The following B4GALT6 variants were observed in gnomAD, a reference collection of about 807,000 sequenced individuals.
B4GALT6 encodes the protein UDP-Gal:beta-GlcNAc beta-1,4-galactosyltransferase 6.
B4GALT6 carries 14 observed loss-of-function variants against 46.3 expected under a neutral mutation model. The observed-to-expected ratio is 0.30, with a 90% CI of 0.20 to 0.47. The LOEUF (loss-of-function observed/expected upper bound fraction) is 0.47, where lower values mean the gene tolerates loss of function less well. B4GALT6 is among the 20% of genes least tolerant of loss of function. The pLI is 0.99. For synonymous variants in B4GALT6, 168 were observed against 162.0 expected, an observed-to-expected ratio of 1.04 and a Z score of -0.28; for missense variants, 386 against 480.1, an observed-to-expected ratio of 0.80 and a Z score of 1.83.
chr18:31,668,535 A>G (rs1388286648), intron 1 of B4GALT6, among the ~76,000 whole-genome samples: 1 of 152,234 alleles, frequency 6.6e-6, no homozygotes, highest in African/African-American at 2.4e-5. Flanking sequence ...ATATATATTC[A>G]TAAGTAAGGT....
intron 4 of B4GALT6, among the ~76,000 whole-genome samples, chr18:31,639,837 TA>T (rs2073907896): frequency 6.6e-6 from 1 of 152,174 alleles, no homozygotes; most frequent in African/African-American, 2.4e-5. Flanking sequence ...TTTAGTGTAA[TA>T]CAAGAATAAA....
intron 5 of B4GALT6, among the ~76,000 whole-genome samples, chr18:31,634,306 A>C (rs1598872286): frequency 1.3e-5 from 2 of 152,242 alleles, no homozygotes; most frequent in East Asian, 3.9e-4. Context: ...ACAACAGAGT[A>C]ATGACCTGGC....
intron 4 of B4GALT6, among the ~76,000 whole-genome samples, chr18:31,640,830 T>G (rs1239053553): frequency 6.6e-6 from 1 of 152,266 alleles, no homozygotes; most frequent in Non-Finnish European, 1.5e-5. Flanking sequence ...GGCTGGCATA[T>G]TCAAGGAATT....
chr18:31,724,406 G>A, the B4GALT6 span: 1 of 1,079,434 alleles, frequency 9.3e-7, no homozygotes, highest in Non-Finnish European at 1.1e-6. Context: ...ACTTAGCCCT[G>A]GTCTTCCCGC....
chr18:31,723,601 C>T, the B4GALT6 span, among the ~76,000 whole-genome samples: 1 of 152,072 alleles, frequency 6.6e-6, no homozygotes, highest in South Asian at 2.1e-4. Flanking sequence ...GAATTGCTCA[C>T]CCCCCAAAAC....
intron 6 of B4GALT6, among the ~76,000 whole-genome samples, chr18:31,628,039 T>G (rs2073723996): frequency 6.6e-6 from 1 of 152,194 alleles, no homozygotes; most frequent in Non-Finnish European, 1.5e-5. Flanking sequence ...GACACTCGCC[T>G]CACATTCTGA....
At chr18:31,698,712 C>T in the B4GALT6 span, among the ~76,000 whole-genome samples, 1 of 151,504 alleles carries the variant, frequency 6.6e-6, no homozygotes, top group East Asian at 1.9e-4. Flanking sequence ...CCAGTATACT[C>T]AGTAAATAGC....
At position 31,630,970 on chromosome 18, in the gene B4GALT6, T is replaced by C. The variant is rs771956540; in HGVS notation, c.765A>G (p.Lys255=). The C allele has an allele frequency of 6.2e-7, 1 of 1,614,198 alleles. No individual in the cohort carries two copies. The highest frequency in any genetic ancestry group is 1.1e-5 in the South Asian group (1 of 91,078). ...MPRHFAAKLD[K]YMYILPYKEF... Reference sequence around the variant, plus strand: ...TGCACACTACTTACATATACATGTATTTATCCAGCTTTGCAGCAAAATGAC... The same window carrying C: ...TGCACACTACTTACATATACATGTACTTATCCAGCTTTGCAGCAAAATGAC... The change falls in exon 6 of 9, where the codon AAA becomes AAG. Residue 255 remains lysine (K), a synonymous_variant. Transcript: ENST00000306851.
chr18:31,692,010 G>A, the B4GALT6 span, among the ~76,000 whole-genome samples: 1 of 151,922 alleles, frequency 6.6e-6, no homozygotes, highest in Non-Finnish European at 1.5e-5. Context: ...GGAAGCACCT[G>A]GCAACATTAA....
chr18:31,644,302 C>T (rs1006869739), intron 4 of B4GALT6, among the ~76,000 whole-genome samples: 7 of 152,192 alleles, frequency 4.6e-5, no homozygotes, highest in Non-Finnish European at 8.8e-5. Context: ...GCTTACCTTA[C>T]ACAAGACAAT....
chr18:31,651,598 T>G (rs1456578948), intron 3 of B4GALT6, among the ~76,000 whole-genome samples: 1 of 152,116 alleles, frequency 6.6e-6, no homozygotes, highest in South Asian at 2.1e-4. Flanking sequence ...ACGAGCACCC[T>G]ACCTCTCCAC....
At chr18:31,659,861 C>A (rs549913943) in intron 2 of B4GALT6, among the ~76,000 whole-genome samples, 1 of 151,992 alleles carries the variant, frequency 6.6e-6, no homozygotes, top group South Asian at 2.1e-4. Context: ...GTAGCCCATG[C>A]TCAATGTATT....
intron 1 of B4GALT6, among the ~76,000 whole-genome samples, chr18:31,682,482 C>T (rs1003982269): frequency 2.0e-5 from 3 of 152,104 alleles, no homozygotes; most frequent in South Asian, 4.1e-4. Context: ...AAGACACGTG[C>T]CAACATTTTT....
At chr18:31,690,477 T>C (rs1445878977), upstream of B4GALT6, among the ~76,000 whole-genome samples, 3 of 150,154 alleles carry the variant, frequency 2.0e-5, no homozygotes, top group African/African-American at 4.9e-5. Context: ...TTTTGTTTTG[T>C]TTTGCTTTTG....
At chr18:31,689,667 C>G (rs879796016), upstream of B4GALT6, among the ~76,000 whole-genome samples, 1 of 151,978 alleles carries the variant, frequency 6.6e-6, no homozygotes, top group Non-Finnish European at 1.5e-5. Context: ...TTGCTTGAAC[C>G]CGGGAGACGG....
At chr18:31,670,047 A>G (rs2144702183) in intron 1 of B4GALT6, among the ~76,000 whole-genome samples, 1 of 152,186 alleles carries the variant, frequency 6.6e-6, no homozygotes, top group South Asian at 2.1e-4. Flanking sequence ...AAACTGTTAA[A>G]AATGATGATC....
chr18:31,623,405 A>G lies in B4GALT6; in HGVS notation c.*2209T>C, dbSNP rs577768927. 6.6e-6 allele frequency: 1 copy of G among 152,394 alleles called. No individual in the cohort carries two copies. Among genetic ancestry groups the G allele is most frequent in the South Asian group, 2.1e-4 (1 of 4,826 alleles). The allele number at this position is 152,394 out of a possible 1,614,324, so 9.4% of individuals were successfully genotyped here. A position where few individuals can be genotyped will look rare whatever the true frequency, so the allele number is the denominator to read the frequency against. ...AAAAAAAGCAAAATGTTTATATCTC[A>G]CTCCTGAAACAAAAATTAACATCAG... On this transcript the variant is annotated 3_prime_UTR_variant, in exon 9 of 9. Coordinates refer to ENST00000306851, the MANE Select transcript of B4GALT6 (RefSeq NM_004775.5).
At chr18:31,639,604 T>C (rs1216884741) in intron 4 of B4GALT6, among the ~76,000 whole-genome samples, 2 of 152,130 alleles carry the variant, frequency 1.3e-5, no homozygotes, top group Non-Finnish European at 2.9e-5. Context: ...CAGTTTAAAA[T>C]GAAACTGGTA....
chr18:31,689,477 G>A (rs568488928), upstream of B4GALT6, among the ~76,000 whole-genome samples: 1 of 152,258 alleles, frequency 6.6e-6, no homozygotes, highest in South Asian at 2.1e-4. Context: ...GGGCGCAATG[G>A]TTCATGCCTG....
Sources: allele counts gnomAD v4.1 joint callset (sites outside exome capture counted in the v4.1 genomes callset), GRCh38; gene constraint gnomAD v4.1.1; transcripts MANE v1.5; gene names NCBI Gene and HGNC (gene_info 2026-07-23, HGNC 2026-07-21).